The following PDE4DIP variants were observed in gnomAD, a reference collection of about 807,000 sequenced individuals.
PDE4DIP encodes myomegalin.
In PDE4DIP, 59 loss-of-function variants were observed where a neutral mutation model predicts 221.4. The ratio of observed to expected loss-of-function variants is 0.27; its 90% CI spans 0.22 to 0.33. PDE4DIP has a LOEUF of 0.33. Among genes scored for constraint, PDE4DIP ranks in the 10% least tolerant of loss-of-function variants. The pLI, the probability that PDE4DIP is intolerant of heterozygous loss-of-function variation, is 1.00. For missense variants in PDE4DIP, 1,036 were observed against 2,154.2 expected, an observed-to-expected ratio of 0.48 and a Z score of 10.28; for synonymous variants, 404 against 815.9, an observed-to-expected ratio of 0.50 and a Z score of 8.60.
intron 5 of PDE4DIP, chr1:148,953,639 A>G (rs2054271795): frequency 6.8e-7 from 1 of 1,472,746 alleles, no homozygotes; most frequent in Non-Finnish European, 9.5e-7. Context: ...GTGTAATCAC[A>G]AGCTGGAATT....
intron 14 of PDE4DIP, among the ~76,000 whole-genome samples, chr1:148,971,498 C>T (rs1453570579): frequency 4.6e-5 from 7 of 152,108 alleles, no homozygotes; most frequent in Middle Eastern, 6.8e-3. Flanking sequence ...TCAAGGTGTA[C>T]AGCATGATGT....
intron 1 of PDE4DIP, among the ~76,000 whole-genome samples, chr1:148,821,833 C>G (rs1669343427): frequency 6.7e-6 from 1 of 149,802 alleles, no homozygotes; most frequent in South Asian, 2.1e-4. Context: ...AGGAAGGGAG[C>G]TGCTTTGCTG....
rs1274228423 is a variant in PDE4DIP at position 148,923,700 on chromosome 1, C to A, written c.142-5497C>A. 1.4e-5 allele frequency among the ~76,000 whole-genome samples: 2 copies of A among 145,088 alleles called. 1 individual carries two copies. The highest frequency in any genetic ancestry group is 3.0e-5 in the Non-Finnish European group (2 of 66,264). On this transcript the variant is annotated intron_variant, in intron 1 of 43. Transcript: ENST00000369354. ...GTGTTAGGCAGGATGGTCTCGATCT[C>A]CCGACCTCGTGATCTGCCCGCCTCG... is the stretch of plus-strand genomic sequence containing the variant.
At chr1:148,990,406 T>C in intron 21 of PDE4DIP, 1 of 948,402 alleles carries the variant, frequency 1.1e-6, no homozygotes, top group Non-Finnish European at 1.3e-6. Context: ...GCCCCTTATC[T>C]GTATTGGGTA....
chr1:148,889,107 G>A (rs1317086048), upstream of PDE4DIP, among the ~76,000 whole-genome samples: 7 of 152,062 alleles, frequency 4.6e-5, no homozygotes, highest in South Asian at 2.1e-4. Flanking sequence ...GACTCCTCTG[G>A]TTAGAAGCTC....
chr1:148,983,075 G>A (rs587753689), intron 21 of PDE4DIP: 18 of 152,250 alleles, frequency 1.2e-4, no homozygotes, highest in Non-Finnish European at 2.4e-4. Context: ...TTTAAGGAAG[G>A]AGATAGGAAG....
upstream of PDE4DIP, among the ~76,000 whole-genome samples, chr1:148,889,199 A>G (rs1172326850): frequency 1.3e-5 from 2 of 151,900 alleles, no homozygotes; most frequent in Non-Finnish European, 2.9e-5. Context: ...GGTCTTTTCT[A>G]TAGCAACCTT....
intron 1 of PDE4DIP, among the ~76,000 whole-genome samples, chr1:148,916,784 TTTAC>T (rs2044174663): frequency 6.7e-6 from 1 of 150,200 alleles, no homozygotes; most frequent in South Asian, 2.1e-4. Context: ...AAAGTAAGGT[TTTAC>T]TTAGTTTCCA....
intron 5 of PDE4DIP, among the ~76,000 whole-genome samples, chr1:148,949,973 C>A (rs2052737554): frequency 6.6e-6 from 1 of 150,784 alleles, no homozygotes; most frequent in African/African-American, 2.4e-5. Flanking sequence ...TGGCAAATTG[C>A]CTTTTCTCCA....
chr1:149,001,934 C>G, exon 24 of PDE4DIP: 1 of 1,574,072 alleles, frequency 6.4e-7, no homozygotes, highest in Non-Finnish European at 8.7e-7. Context: ...TGGGAAGCAC[C>G]AACACCAAGA....
At chr1:148,899,036 T>C (rs1433999457) in intron 1 of PDE4DIP, among the ~76,000 whole-genome samples, 1 of 110,486 alleles carries the variant, frequency 9.1e-6, no homozygotes, top group Non-Finnish European at 1.7e-5. Flanking sequence ...TTCGCCATGC[T>C]GGCCAGGGTG....
chr1:149,028,744 C>T (rs781909439), intron 41 of PDE4DIP, 41 bp downstream of exon 44: 24 of 1,217,252 alleles, frequency 2.0e-5, no homozygotes, highest in Non-Finnish European at 2.9e-5. Context: ...ACCCAGTTCT[C>T]CTGCCCTCCA....
chr1:148,960,738 T>C, exon 6 of PDE4DIP: 2 of 537,194 alleles, frequency 3.7e-6, no homozygotes, highest in Non-Finnish European at 6.4e-6. Context: ...TGATTCCCAC[T>C]TGGCAGAACT....
intron 5 of PDE4DIP, among the ~76,000 whole-genome samples, chr1:148,950,774 A>G (rs587695487): frequency 6.9e-6 from 1 of 144,906 alleles, no homozygotes; most frequent in East Asian, 2.2e-4. Context: ...ACCTCCCACC[A>G]GGCCCCACCT....
chr1:148,953,910 A>G (rs371641177), intron 5 of PDE4DIP: 1 of 1,609,842 alleles, frequency 6.2e-7, no homozygotes, highest in Non-Finnish European at 8.5e-7. Flanking sequence ...GTCCAGGTAT[A>G]CAAAACGGCT....
At chr1:149,006,611 T>C (rs587723422) in intron 27 of PDE4DIP, 13 of 151,268 alleles carry the variant, frequency 8.6e-5, no homozygotes, top group African/African-American at 3.2e-4. Flanking sequence ...CTGTAAGGGA[T>C]GTAAAATGCA....
chr1:148,946,988 T>C (rs1422675393), intron 5 of PDE4DIP, among the ~76,000 whole-genome samples: 1 of 152,276 alleles, frequency 6.6e-6, no homozygotes, highest in Non-Finnish European at 1.5e-5. Flanking sequence ...ACTTTTTCTG[T>C]ATTCACACTA....
At chr1:149,020,099 G>C (rs1326156475) in intron 35 of PDE4DIP, 48 bp from the exon 39 acceptor site, 1 of 447,676 alleles carries the variant, frequency 2.2e-6, no homozygotes, top group Non-Finnish European at 4.1e-6. Context: ...TCTTCCAGCT[G>C]AGCTCTGGCC....
exon 14 of PDE4DIP, chr1:148,968,853 G>A: frequency 6.2e-7 from 1 of 1,612,738 alleles, no homozygotes; most frequent in Non-Finnish European, 8.5e-7. Flanking sequence ...GTGCAACACT[G>A]CTCTGCAAAC....
Sources: allele counts gnomAD v4.1 joint callset (sites outside exome capture counted in the v4.1 genomes callset), GRCh38; gene constraint gnomAD v4.1.1; transcripts MANE v1.5; gene names NCBI Gene and HGNC (gene_info 2026-07-23, HGNC 2026-07-21).